Variants in PREX1 observed in about 807,000 individuals in gnomAD.
The protein encoded by PREX1 is phosphatidylinositol 3,4,5-trisphosphate-dependent Rac exchanger 1 protein.
PREX1 carries 41 observed loss-of-function variants against 198.3 expected under a neutral mutation model. The observed-to-expected ratio is 0.21, with a 90% CI of 0.16 to 0.27. The LOEUF is 0.27. PREX1 is among the 10% of genes least tolerant of loss of function. The pLI, the probability that PREX1 is intolerant of heterozygous loss-of-function variation, is 1.00. For synonymous variants in PREX1, 843 were observed against 887.2 expected, an observed-to-expected ratio of 0.95 and a Z score of 0.89; for missense variants, 1,620 against 2,200.7, an observed-to-expected ratio of 0.74 and a Z score of 5.28.
intron 5 of PREX1, among the ~76,000 whole-genome samples, chr20:48,710,006 T>C (rs954307652): frequency 2.0e-5 from 3 of 152,190 alleles, no homozygotes; most frequent in African/African-American, 7.2e-5. Flanking sequence ...GCTGAGCTCT[T>C]GCCACGCACC....
intron 5 of PREX1, among the ~76,000 whole-genome samples, chr20:48,708,668 G>A (rs2089914946): frequency 6.6e-6 from 1 of 152,144 alleles, no homozygotes; most frequent in African/African-American, 2.4e-5. Context: ...GAGGTCAGGG[G>A]AGGCCTCTCT....
chr20:48,862,616 T>A, the PREX1 span, among the ~76,000 whole-genome samples: 1 of 151,782 alleles, frequency 6.6e-6, no homozygotes, highest in African/African-American at 2.4e-5. Flanking sequence ...TACAAGGTGA[T>A]CATTCTGGTC....
intron 5 of PREX1, among the ~76,000 whole-genome samples, chr20:48,720,682 C>T (rs1174740919): frequency 6.6e-6 from 1 of 152,092 alleles, no homozygotes; most frequent in East Asian, 1.9e-4. Context: ...TACGTCCATG[C>T]TCCGGGAAAC....
At chr20:48,645,804 C>G in intron 26 of PREX1, 47 bp downstream of exon 26, 2 of 1,598,186 alleles carry the variant, frequency 1.3e-6, no homozygotes, top group Non-Finnish European at 1.7e-6. Flanking sequence ...CCTCACCTGT[C>G]CAGGGCCATC....
At chr20:48,659,420 T>A (rs73144004) in intron 16 of PREX1, among the ~76,000 whole-genome samples, 1 of 149,828 alleles carries the variant, frequency 6.7e-6, no homozygotes, top group African/African-American at 2.5e-5. Context: ...ACGGGAAGCA[T>A]TGGGGGACTT....
chr20:48,692,488 T>A, intron 8 of PREX1, 184 bp downstream of exon 8: 1 of 538,422 alleles, frequency 1.9e-6, no homozygotes, highest in South Asian at 2.6e-5. Flanking sequence ...TGCAGTGTTT[T>A]ATTTCTTAAC....
Position 48,632,611 on chromosome 20 carries a change from G to C in PREX1, c.4296C>G (p.Gly1432=). 1 of 1,613,902 alleles carries C rather than the reference G, an allele frequency of 6.2e-7. No homozygotes were observed. Among genetic ancestry groups the C allele is most frequent in the Non-Finnish European group, 8.5e-7 (1 of 1,179,904 alleles). Residue 1432 remains glycine, a synonymous_variant, in exon 34 of 40, where the codon GGC becomes GGG. Coordinates refer to ENST00000371941, the MANE Select transcript of PREX1 (RefSeq NM_020820.4). ...ANTNVFYHIE[G]SRQALKVIFY... ...AGATGACCTTCAGCGCCTGCCGGCTGCCCTCAATGTGGTAGAAGACGTTGG... is the reference window on the plus strand; with the variant it reads ...AGATGACCTTCAGCGCCTGCCGGCTCCCCTCAATGTGGTAGAAGACGTTGG...
At chr20:48,651,345 C>A in intron 22 of PREX1, 51 bp downstream of exon 22, 1 of 1,531,940 alleles carries the variant, frequency 6.5e-7, no homozygotes, top group Non-Finnish European at 8.8e-7. Flanking sequence ...ATAAGAGAAA[C>A]TGGCTTCAAT....
At chr20:48,764,359 C>T (rs962420338) in intron 1 of PREX1, among the ~76,000 whole-genome samples, 7 of 152,278 alleles carry the variant, frequency 4.6e-5, no homozygotes, top group East Asian at 3.9e-4. Context: ...TACTAATCCA[C>T]GGAACCTGTG....
the PREX1 span, among the ~76,000 whole-genome samples, chr20:48,846,582 G>T: frequency 6.6e-6 from 1 of 152,144 alleles, no homozygotes; most frequent in African/African-American, 2.4e-5. Context: ...CCACACCAGA[G>T]ATTAAAAGCC....
intron 5 of PREX1, among the ~76,000 whole-genome samples, chr20:48,711,021 A>G (rs1305764602): frequency 6.6e-6 from 1 of 152,218 alleles, no homozygotes; most frequent in African/African-American, 2.4e-5. Context: ...CAGAGGCCTG[A>G]CACCACCTTC....
chr20:48,739,993 T>C (rs2090073867), intron 3 of PREX1, among the ~76,000 whole-genome samples: 1 of 152,076 alleles, frequency 6.6e-6, no homozygotes, highest in South Asian at 2.1e-4. Flanking sequence ...TATGATAAAC[T>C]CAGTAGTTAG....
chr20:48,728,852 G>A (rs1025037079), intron 4 of PREX1, among the ~76,000 whole-genome samples: 1 of 151,994 alleles, frequency 6.6e-6, no homozygotes, highest in African/African-American at 2.4e-5. Context: ...AAAAAAAACA[G>A]GCAAACACAC....
intron 6 of PREX1, among the ~76,000 whole-genome samples, chr20:48,703,521 C>A (rs770468250): frequency 6.6e-6 from 1 of 152,234 alleles, no homozygotes; most frequent in African/African-American, 2.4e-5. Context: ...ATGCGCAGCA[C>A]ACGGCAGACA....
intron 1 of PREX1, among the ~76,000 whole-genome samples, chr20:48,805,031 T>C (rs528528500): frequency 2.2e-4 from 33 of 152,242 alleles, no homozygotes; most frequent in Middle Eastern, 3.4e-3. Flanking sequence ...TTTTAAATGA[T>C]TGAGCAAGAT....
the PREX1 span, among the ~76,000 whole-genome samples, chr20:48,877,353 A>C: frequency 1.3e-5 from 2 of 152,210 alleles, no homozygotes; most frequent in African/African-American, 4.8e-5. Context: ...GACTTCAGGC[A>C]TGGATAGATC....
chr20:48,636,265 G>A (rs1001614653), intron 32 of PREX1, among the ~76,000 whole-genome samples, 198 bp downstream of exon 32: 10 of 152,270 alleles, frequency 6.6e-5, no homozygotes, highest in African/African-American at 2.4e-4. Context: ...GAAGATCCCT[G>A]GGTACAGGGA....
intron 27 of PREX1, 98 bp from the exon 28 acceptor site, chr20:48,642,587 A>AC: frequency 1.8e-6 from 2 of 1,110,206 alleles, no homozygotes; most frequent in Non-Finnish European, 2.6e-6. Flanking sequence ...ACAGAACTCC[A>AC]AACCCACAAG....
At chr20:48,832,981 T>C (rs982546895), upstream of PREX1, among the ~76,000 whole-genome samples, 1 of 152,210 alleles carries the variant, frequency 6.6e-6, no homozygotes, top group African/African-American at 2.4e-5. Flanking sequence ...GACATTGTTG[T>C]AGCACCAGAG....
Sources: allele counts gnomAD v4.1 joint callset (sites outside exome capture counted in the v4.1 genomes callset), GRCh38; gene constraint gnomAD v4.1.1; transcripts MANE v1.5; gene names NCBI Gene and HGNC (gene_info 2026-07-23, HGNC 2026-07-21).